DYNC2I2: variants seen among roughly 807,000 people sequenced by gnomAD.
DYNC2I2 encodes cytoplasmic dynein 2 intermediate chain 2.
A neutral mutation model predicts 52.0 loss-of-function variants in DYNC2I2; 39 were observed. The ratio of observed to expected loss-of-function variants is 0.75; its 90% confidence interval spans 0.58 to 0.98. The LOEUF (loss-of-function observed/expected upper bound fraction) is 0.98. Ranked by LOEUF, DYNC2I2 falls within the 50% of genes least tolerant of loss-of-function variation. The pLI is 0.00. For synonymous variants in DYNC2I2, 359 were observed against 321.1 expected (o/e 1.12, Z -1.26); for missense variants, 743 against 728.4 (o/e 1.02, Z -0.23).
chr9:128,680,045 G>A, the DYNC2I2 span, among the ~76,000 whole-genome samples: 2 of 151,662 alleles, frequency 1.3e-5, no homozygotes, highest in Admixed American at 1.3e-4. Context: ...GCCTGTTTTA[G>A]TACTTTATTT....
chr9:128,657,448 G>A (rs1434342838), upstream of DYNC2I2, among the ~76,000 whole-genome samples: 1 of 151,596 alleles, frequency 6.6e-6, no homozygotes, highest in African/African-American at 2.4e-5. Context: ...CATTCCGCGC[G>A]CCCCACCGGA....
At chr9:128,669,945 C>G in the DYNC2I2 span, among the ~76,000 whole-genome samples, 1 of 152,138 alleles carries the variant, frequency 6.6e-6, no homozygotes, top group Non-Finnish European at 1.5e-5. Flanking sequence ...TCCCACAGTG[C>G]TGAAATTTCA....
At chr9:128,668,630 G>C in the DYNC2I2 span, among the ~76,000 whole-genome samples, 4 of 151,540 alleles carry the variant, frequency 2.6e-5, no homozygotes, top group East Asian at 4.0e-4. Flanking sequence ...AGACCAGCTT[G>C]GCCAACATGG....
upstream of DYNC2I2, among the ~76,000 whole-genome samples, chr9:128,661,523 C>G (rs552181927): frequency 6.6e-6 from 1 of 152,046 alleles, no homozygotes; most frequent in African/African-American, 2.4e-5. Context: ...GAGTCTGAGG[C>G]AGGAGAATCG....
the DYNC2I2 span, among the ~76,000 whole-genome samples, chr9:128,665,434 C>G: frequency 1.3e-5 from 2 of 151,982 alleles, no homozygotes; most frequent in Non-Finnish European, 2.9e-5. Context: ...TAAATTAGGG[C>G]TTTCTCATAA....
rs1372618475 is a variant in DYNC2I2 at position 128,640,694 on chromosome 9, C to T, written c.432G>A (p.Gln144=). 7.4e-6 allele frequency: 12 copies of T among 1,613,430 alleles called. No individual in the cohort carries two copies. Among genetic ancestry groups the T allele is most frequent in the African/African-American group, 1.3e-5 (1 of 74,934 alleles). The change falls in exon 2 of 9, where the codon CAG becomes CAA. Residue 144 remains glutamine (Q), a synonymous_variant. Coordinates refer to ENST00000372715, the MANE Select transcript of DYNC2I2 (RefSeq NM_052844.4). ...GFEVNWTEQQ[Q]MVSCLYTLGY... is the part of the protein sequence containing the mutation. Reference sequence around the variant, plus strand: ...GCTGCACCAGCCCATCCCCTACCATCTGCTGCTGCTCGGTCCAGTTCACCT... The same window carrying T: ...GCTGCACCAGCCCATCCCCTACCATTTGCTGCTGCTCGGTCCAGTTCACCT...
intron 2 of DYNC2I2, 152 bp from the exon 3 acceptor site, chr9:128,637,179 C>T (rs1860431508): frequency 1.6e-6 from 1 of 608,944 alleles, no homozygotes; most frequent in Non-Finnish European, 2.9e-6. Context: ...CGTTCATCCC[C>T]ACATCTGCCC....
At chr9:128,662,783 C>T in the DYNC2I2 span, among the ~76,000 whole-genome samples, 878 of 152,230 alleles carry the variant, frequency 5.8e-3, 10 homozygotes, top group African/African-American at 0.02. Context: ...AGGCTGGTCT[C>T]GAGCTCCTGA....
chr9:128,682,523 A>G, the DYNC2I2 span, among the ~76,000 whole-genome samples: 2 of 152,060 alleles, frequency 1.3e-5, no homozygotes, highest in East Asian at 2.0e-4. Flanking sequence ...CTAAAAATAC[A>G]AAAAATTAGC....
Position 128,640,849 on chromosome 9 carries a change from CG to C in DYNC2I2, c.276del (p.Val93CysfsTer31). ...GACGGGGGCTGCACGCTGACAGGCA[CG>C]GGGGCCTCCGTCTGCACCTGGGCGT... ...HVDAQVQTEA[P>X]VPVSVQPPSQ... On this transcript the variant is annotated frameshift_variant, in exon 2 of 9. Coordinates refer to ENST00000372715, the MANE Select transcript of DYNC2I2 (RefSeq NM_052844.4). LOFTEE classifies it high-confidence loss of function. The C allele has an allele frequency of 1.2e-6, 2 of 1,613,960 alleles. No individual in the cohort carries two copies. The highest frequency in any genetic ancestry group is 1.7e-6 in the Non-Finnish European group (2 of 1,179,994).
the DYNC2I2 span, among the ~76,000 whole-genome samples, chr9:128,678,498 G>T: frequency 3.4e-5 from 3 of 89,380 alleles, no homozygotes; most frequent in East Asian, 1.2e-3. Flanking sequence ...TCTTGCTCTT[G>T]TTGCCCAGGC....
At position 128,643,162 on chromosome 9, in the gene DYNC2I2, A is replaced by G. The variant is rs566447636; in HGVS notation, c.187-2223T>C. Among the ~76,000 whole-genome samples the G allele has an allele frequency of 2.6e-4, 39 of 152,092 alleles. No homozygotes were observed. The East Asian group carries it at 6.2e-3, about 24-fold the overall frequency. Reference sequence around the variant, plus strand: ...CACTTTGGGAGGCTGAAGCAAGAGGATCACTTGAGTCTAGGAGTTTGAGAC... The same window carrying G: ...CACTTTGGGAGGCTGAAGCAAGAGGGTCACTTGAGTCTAGGAGTTTGAGAC... On this transcript the variant is annotated intron_variant, in intron 1 of 8. Transcript: ENST00000372715.
At chr9:128,648,540 C>A (rs942023518) in intron 1 of DYNC2I2, among the ~76,000 whole-genome samples, 3 of 150,430 alleles carry the variant, frequency 2.0e-5, no homozygotes, top group African/African-American at 7.3e-5. Context: ...AATCCTAGGC[C>A]TTTGGGAGGC....
At chr9:128,675,239 G>A in the DYNC2I2 span, among the ~76,000 whole-genome samples, 5 of 151,940 alleles carry the variant, frequency 3.3e-5, no homozygotes, top group South Asian at 2.1e-4. Context: ...GTGCAGTGGC[G>A]CGATCTCAGC....
chr9:128,636,169 C>T, intron 4 of DYNC2I2, 112 bp downstream of exon 4: 1 of 1,479,852 alleles, frequency 6.8e-7, no homozygotes, highest in Non-Finnish European at 9.2e-7. Context: ...AGGGTCAGGG[C>T]CCGCCTTCCT....
At position 128,633,772 on chromosome 9, in the gene DYNC2I2, TCCAGGTCCTCAGCTTC is replaced by T. The variant is rs1554770453; in HGVS notation, c.1567_1582del (p.Glu523ThrfsTer?). The T allele has an allele frequency of 6.2e-7, 1 of 1,613,456 alleles. No individual in the cohort carries two copies. Among genetic ancestry groups the T allele is most frequent in the Non-Finnish European group, 8.5e-7 (1 of 1,180,032 alleles). On this transcript the variant is annotated frameshift_variant, in exon 9 of 9. Transcript: ENST00000372715. LOFTEE classifies it high-confidence loss of function. ...GGCCGCCACCTCTGCTGCCAGGCAG[TCCAGGTCCTCAGCTTC>T]CCGGGGCCCTTGTTCCGTGAACTCT...
chr9:128,658,248 C>T (rs567423758), upstream of DYNC2I2, among the ~76,000 whole-genome samples: 2 of 151,718 alleles, frequency 1.3e-5, no homozygotes, highest in East Asian at 1.9e-4. Context: ...TCACAGCAAC[C>T]TCCACCTCCC....
the DYNC2I2 span, among the ~76,000 whole-genome samples, chr9:128,676,164 T>C: frequency 6.6e-6 from 1 of 151,894 alleles, no homozygotes; most frequent in Non-Finnish European, 1.5e-5. Flanking sequence ...CAAGACCCTG[T>C]CTCAATTTAA....
intron 8 of DYNC2I2, 72 bp downstream of exon 8, chr9:128,634,154 G>C: frequency 6.3e-7 from 1 of 1,596,126 alleles, no homozygotes; most frequent in Non-Finnish European, 8.5e-7. Context: ...CCCCAACCCA[G>C]AACCCCAGGT....
Sources: gnomAD v4.1 joint callset for allele counts (sites outside exome capture counted in the v4.1 genomes callset) on GRCh38, gnomAD v4.1.1 for gene constraint, MANE v1.5 for transcripts, NCBI Gene and HGNC (gene_info 2026-07-23, HGNC 2026-07-21) for gene names.